DOCK3: variants seen among roughly 807,000 people sequenced by gnomAD.
DOCK3 encodes the protein dedicator of cytokinesis protein 3.
A neutral mutation model predicts 265.6 loss-of-function variants in DOCK3; 60 were observed. The ratio of observed to expected loss-of-function variants is 0.23; its 90% CI spans 0.18 to 0.28. DOCK3 has a LOEUF of 0.28. Ranked by LOEUF, DOCK3 falls within the 10% of genes least tolerant of loss-of-function variation. The pLI is 1.00. For synonymous variants in DOCK3, 881 were observed against 938.0 expected (o/e 0.94, Z 1.11); for missense variants, 1,981 against 2,594.3 (o/e 0.76, Z 5.14).
At chr3:51,279,847 T>A (rs1211554113) in intron 26 of DOCK3, among the ~76,000 whole-genome samples, 3 of 152,204 alleles carry the variant, frequency 2.0e-5, no homozygotes, top group Admixed American at 1.3e-4. Flanking sequence ...AGGGAGAATA[T>A]TTGTCTCACT....
intron 2 of DOCK3, among the ~76,000 whole-genome samples, chr3:50,840,306 A>T (rs1484067795): frequency 6.6e-6 from 1 of 152,120 alleles, no homozygotes; most frequent in Non-Finnish European, 1.5e-5. Context: ...ACTCAAGGTT[A>T]CTTAGATTTT....
At chr3:51,248,563 C>T (rs1287000202) in intron 22 of DOCK3, among the ~76,000 whole-genome samples, 1 of 152,128 alleles carries the variant, frequency 6.6e-6, no homozygotes, top group African/African-American at 2.4e-5. Context: ...CTCCCAGCCG[C>T]CTGCCTTGGC....
intron 12 of DOCK3, among the ~76,000 whole-genome samples, chr3:51,173,439 C>T (rs866758279): frequency 1.5e-4 from 23 of 152,192 alleles, no homozygotes; most frequent in African/African-American, 5.3e-4. Context: ...CATACTCTCA[C>T]ATACTTTCAT....
intron 22 of DOCK3, among the ~76,000 whole-genome samples, chr3:51,250,856 T>C (rs1211334469): frequency 6.6e-6 from 1 of 152,206 alleles, no homozygotes; most frequent in African/African-American, 2.4e-5. Flanking sequence ...TTGTTTTTGC[T>C]TTTGTTTTTG....
intron 23 of DOCK3, among the ~76,000 whole-genome samples, chr3:51,263,987 T>G (rs1323485970): frequency 1.3e-5 from 2 of 151,950 alleles, no homozygotes; most frequent in Non-Finnish European, 2.9e-5. Flanking sequence ...AACATCCCAC[T>G]CTCAGTATTA....
At position 50,730,018 on chromosome 3, in the gene DOCK3, C is replaced by T. The variant is rs1384634828; in HGVS notation, c.38-48657C>T. ...ATTTTTGTATGTTGGCCAGGCTGGCCGAATTTCTGATAAAAGAACTTTCCC... is the reference window on the plus strand; with the variant it reads ...ATTTTTGTATGTTGGCCAGGCTGGCTGAATTTCTGATAAAAGAACTTTCCC... On this transcript the variant is annotated intron_variant, in intron 1 of 52. Coordinates refer to ENST00000266037, the MANE Select transcript of DOCK3 (RefSeq NM_004947.5). Among the ~76,000 whole-genome samples, 3 of 151,700 alleles carry T rather than the reference C, an allele frequency of 2.0e-5. 1 individual carries two copies. Among genetic ancestry groups the T allele is most frequent in the Middle Eastern group, 6.8e-3 (2 of 292 alleles).
At chr3:51,268,587 A>G (rs2080322913) in intron 23 of DOCK3, among the ~76,000 whole-genome samples, 1 of 152,184 alleles carries the variant, frequency 6.6e-6, no homozygotes, top group Non-Finnish European at 1.5e-5. Context: ...TAGCCCAAGT[A>G]TATATTTAAA....
chr3:50,986,684 G>A (rs1376467724), intron 5 of DOCK3, among the ~76,000 whole-genome samples: 3 of 151,932 alleles, frequency 2.0e-5, no homozygotes, highest in Non-Finnish European at 4.4e-5. Context: ...CTCACACCTG[G>A]CATGTTTTAT....
chr3:50,973,406 G>A (rs1218029018), intron 5 of DOCK3, among the ~76,000 whole-genome samples: 1 of 141,510 alleles, frequency 7.1e-6, no homozygotes, highest in African/African-American at 2.7e-5. Context: ...TTTTGTTCTT[G>A]CGATAGTTTA....
At chr3:51,209,218 G>A (rs746749355) in intron 13 of DOCK3, among the ~76,000 whole-genome samples, 28 of 152,174 alleles carry the variant, frequency 1.8e-4, no homozygotes, top group Non-Finnish European at 4.0e-4. Context: ...TCTCTATATA[G>A]CTAGATATCT....
At chr3:50,686,645 A>C (rs904757001) in intron 1 of DOCK3, among the ~76,000 whole-genome samples, 5 of 152,162 alleles carry the variant, frequency 3.3e-5, no homozygotes, top group Non-Finnish European at 7.4e-5. Context: ...ATGGTGGCTC[A>C]CACCTATAAT....
At chr3:51,343,979 T>C (rs1289069655) in intron 38 of DOCK3, among the ~76,000 whole-genome samples, 2 of 152,168 alleles carry the variant, frequency 1.3e-5, no homozygotes, top group Non-Finnish European at 2.9e-5. Flanking sequence ...AGACAGGATA[T>C]GGCAGGGTGA....
At chr3:51,136,304 T>C (rs2084792632) in intron 9 of DOCK3, among the ~76,000 whole-genome samples, 1 of 151,732 alleles carries the variant, frequency 6.6e-6, no homozygotes, top group East Asian at 1.9e-4. Context: ...CTCGGCTCAC[T>C]GCAGGCTCTG....
Position 51,218,075 on chromosome 3 carries a change from G to A in DOCK3, c.1252+3828G>A, listed in dbSNP as rs577507154. Among the ~76,000 whole-genome samples the A allele has an allele frequency of 5.9e-5, 9 of 151,554 alleles. No homozygotes were observed. In the East Asian group the frequency reaches 1.2e-3, roughly 20 times the overall value. ...GGAGGTTGCAGTGAGCCAAGATGGC[G>A]CCACTGCACTCCAGCCTGGATGACA... is the stretch of plus-strand genomic sequence containing the variant. On this transcript the variant is annotated intron_variant, in intron 14 of 52. Transcript: ENST00000266037.
intron 10 of DOCK3, among the ~76,000 whole-genome samples, chr3:51,157,759 A>G (rs1035510691): frequency 1.3e-5 from 2 of 151,444 alleles, no homozygotes; most frequent in Admixed American, 6.6e-5. Context: ...CTGAATCTCT[A>G]AGCTCATTCC....
chr3:51,131,294 C>T (rs2084522729), intron 9 of DOCK3, among the ~76,000 whole-genome samples: 1 of 152,160 alleles, frequency 6.6e-6, no homozygotes, highest in Non-Finnish European at 1.5e-5. Context: ...CATTTTGGGT[C>T]CCCTGGAATC....
chr3:51,310,852 A>T (rs1453810512), intron 28 of DOCK3, among the ~76,000 whole-genome samples: 1 of 152,166 alleles, frequency 6.6e-6, no homozygotes, highest in East Asian at 1.9e-4. Flanking sequence ...GGGCTGGCTC[A>T]TCTGGTCTCT....
Position 51,089,059 on chromosome 3 carries a change from C to T in DOCK3, c.550-184C>T, listed in dbSNP as rs763989243. ...TTGCTATGTGACCTTCAGCAAATTA[C>T]GTCCATACTCTAAGCCTTAGTTGTC... On this transcript the variant is annotated intron_variant, in intron 7 of 52. Transcript: ENST00000266037. Among the ~76,000 whole-genome samples the T allele has an allele frequency of 2.0e-5, 3 of 152,276 alleles. No individual in the cohort carries two copies. The East Asian group carries it at 5.8e-4, about 29-fold the overall frequency.
chr3:50,675,805 T>C lies in DOCK3; in HGVS notation c.37+505T>C, dbSNP rs1256736720. ...TTTGACTGCAAATGTTTGATCTGTT[T>C]TAATTTGTTTTGCCTTTAGTATTAG... is the stretch of plus-strand genomic sequence containing the variant. On this transcript the variant is annotated intron_variant, in intron 1 of 52. Coordinates refer to ENST00000266037, the MANE Select transcript of DOCK3 (RefSeq NM_004947.5). The surrounding 1 kb of genome is among the most constrained non-coding windows in gnomAD (Gnocchi z 6.1). Among the ~76,000 whole-genome samples, 3 of 152,216 alleles carry C rather than the reference T, an allele frequency of 2.0e-5. No individual in the cohort carries two copies. Among genetic ancestry groups the C allele is most frequent in the Admixed American group, 1.3e-4 (2 of 15,290 alleles).
Sources: allele counts gnomAD v4.1 joint callset (sites outside exome capture counted in the v4.1 genomes callset), GRCh38; gene constraint gnomAD v4.1.1; non-coding constraint Gnocchi (gnomAD v3.1); transcripts MANE v1.5; gene names NCBI Gene and HGNC (gene_info 2026-07-23, HGNC 2026-07-21).